The following RALGPS1 variants were observed in gnomAD, a reference collection of about 807,000 sequenced individuals.
RALGPS1 encodes the protein ras-specific guanine nucleotide-releasing factor RalGPS1.
Under a neutral mutation model 78.8 loss-of-function variants are expected in RALGPS1, and 19 were observed. The observed-to-expected ratio is 0.24, with a 90% CI of 0.17 to 0.35. The LOEUF (loss-of-function observed/expected upper bound fraction) is 0.35, where lower values mean the gene tolerates loss of function less well. RALGPS1 is among the 10% of genes least tolerant of loss of function. The probability of loss-of-function intolerance (pLI) is 1.00; values close to 1 mark genes in which losing one functional copy is unlikely to be tolerated. For missense variants in RALGPS1, 454 were observed against 688.3 expected (o/e 0.66, Z 3.81); for synonymous variants, 228 against 256.3 (o/e 0.89, Z 1.06).
rs1440966766 is a variant in RALGPS1 at position 127,211,178 on chromosome 9, C to T, written c.1248-953C>T. The stretch of plus-strand genomic sequence containing the variant: ...GCAGGGACATGAGATGAGCTGGAGC[C>T]ACATCCAGCATGCATCATCCAGCAG... On this transcript the variant is annotated intron_variant, in intron 14 of 18. Coordinates refer to ENST00000259351, the MANE Select transcript of RALGPS1 (RefSeq NM_014636.3). This position sits in a 1 kb window ranked among gnomAD's most constrained non-coding sequence, Gnocchi z 5.0. 6.6e-6 allele frequency among the ~76,000 whole-genome samples: 1 copy of T among 152,134 alleles called. No homozygotes were observed. The highest frequency in any genetic ancestry group is 1.5e-5 in the Non-Finnish European group (1 of 68,032).
At chr9:127,076,029 AT>A (rs1306114247) in intron 8 of RALGPS1, among the ~76,000 whole-genome samples, 1 of 152,246 alleles carries the variant, frequency 6.6e-6, no homozygotes, top group Non-Finnish European at 1.5e-5. Context: ...TGAGGGAAAA[AT>A]GTATTACATT....
intron 1 of RALGPS1, among the ~76,000 whole-genome samples, chr9:126,959,020 C>T (rs566904573): frequency 6.7e-6 from 1 of 150,082 alleles, no homozygotes; most frequent in South Asian, 2.1e-4. Context: ...TTTGTGTTTC[C>T]CTGATGGCAT....
intron 4 of RALGPS1, among the ~76,000 whole-genome samples, chr9:126,989,098 A>G (rs1052060029): frequency 1.8e-4 from 28 of 152,120 alleles, no homozygotes; most frequent in African/African-American, 6.8e-4. Flanking sequence ...CATCATCATC[A>G]TCATCATCAT....
intron 4 of RALGPS1, among the ~76,000 whole-genome samples, chr9:127,001,407 G>A (rs1404052753): frequency 6.6e-6 from 1 of 151,714 alleles, no homozygotes; most frequent in Admixed American, 6.6e-5. Flanking sequence ...ATTGGCTTAT[G>A]AGGTATAATT....
In RALGPS1 at chr9:127,093,435, G is replaced by T. The variant is rs538049645; in HGVS notation, c.610+24079G>T. On this transcript the variant is annotated intron_variant, in intron 8 of 18. Transcript: ENST00000259351. ...CTCACCCCTGGGCCCCCATACCAGCGTTTCTAAACTCTCACCCTGTCCTGT... is the reference window on the plus strand; with the variant it reads ...CTCACCCCTGGGCCCCCATACCAGCTTTTCTAAACTCTCACCCTGTCCTGT... Among the ~76,000 whole-genome samples the T allele has an allele frequency of 1.5e-3, 230 of 152,248 alleles. 1 individual carries two copies. Among genetic ancestry groups the T allele is most frequent in the Middle Eastern group, 3.4e-3 (1 of 294 alleles).
chr9:126,947,285 C>G (rs185666864), intron 1 of RALGPS1, among the ~76,000 whole-genome samples: 4 of 152,258 alleles, frequency 2.6e-5, no homozygotes, highest in Admixed American at 2.6e-4. Flanking sequence ...TCCTTTCAGC[C>G]TCCTGTGAAG....
chr9:126,969,889 G>C (rs938461561), intron 3 of RALGPS1, among the ~76,000 whole-genome samples: 1 of 152,188 alleles, frequency 6.6e-6, no homozygotes, highest in Non-Finnish European at 1.5e-5. Context: ...AACTTTGGCT[G>C]TCCCTGCTGG....
At chr9:127,039,833 GA>G (rs765999427) in intron 5 of RALGPS1, among the ~76,000 whole-genome samples, 3 of 152,072 alleles carry the variant, frequency 2.0e-5, no homozygotes, top group Non-Finnish European at 4.4e-5. Context: ...GGGAAAGCTT[GA>G]AAAAAGCTGC....
At chr9:127,172,837 G>T (rs770604625) in intron 10 of RALGPS1, among the ~76,000 whole-genome samples, 4 of 152,058 alleles carry the variant, frequency 2.6e-5, no homozygotes, top group Non-Finnish European at 5.9e-5. Flanking sequence ...TGCTCCTGGG[G>T]CTGCCTTCTC....
chr9:127,151,669 G>T (rs981305165), intron 8 of RALGPS1, among the ~76,000 whole-genome samples: 3 of 151,724 alleles, frequency 2.0e-5, no homozygotes, highest in Admixed American at 2.0e-4. Flanking sequence ...TTTTGTTTTC[G>T]TTTTTGTTTT....
intron 8 of RALGPS1, among the ~76,000 whole-genome samples, chr9:127,131,519 C>A (rs981359598): frequency 1.3e-5 from 2 of 152,206 alleles, no homozygotes; most frequent in African/African-American, 4.8e-5. Context: ...GAGAAGTTCT[C>A]TTTGTCCGTC....
intron 1 of RALGPS1, among the ~76,000 whole-genome samples, chr9:126,957,012 C>G: frequency 6.6e-6 from 1 of 152,246 alleles, no homozygotes; most frequent in East Asian, 1.9e-4. Flanking sequence ...CACTAACTCA[C>G]AGCAAGTCAC....
At chr9:126,975,509 G>A (rs2040522267) in intron 3 of RALGPS1, among the ~76,000 whole-genome samples, 1 of 152,214 alleles carries the variant, frequency 6.6e-6, no homozygotes, top group Non-Finnish European at 1.5e-5. Context: ...AACTTGAAGT[G>A]CAGGGGAGAT....
intron 8 of RALGPS1, chr9:127,079,972 G>A (rs1396729286): frequency 6.6e-6 from 1 of 152,198 alleles, no homozygotes; most frequent in Admixed American, 6.5e-5. Flanking sequence ...AAAATCAACT[G>A]TAAAACTCAA....
At chr9:127,054,544 T>A (rs1040690014) in intron 7 of RALGPS1, among the ~76,000 whole-genome samples, 2 of 152,156 alleles carry the variant, frequency 1.3e-5, no homozygotes, top group Admixed American at 6.5e-5. Context: ...GATGGTGTCC[T>A]CCAGGGGATG....
At chr9:126,984,790 T>C (rs1050905813) in intron 4 of RALGPS1, among the ~76,000 whole-genome samples, 5 of 152,224 alleles carry the variant, frequency 3.3e-5, no homozygotes, top group Non-Finnish European at 5.9e-5. Context: ...GGTTATGTTG[T>C]ATATTTTCTG....
intron 2 of RALGPS1, among the ~76,000 whole-genome samples, chr9:126,962,682 A>G (rs1453451530): frequency 6.6e-6 from 1 of 152,254 alleles, no homozygotes; most frequent in African/African-American, 2.4e-5. Context: ...ACATTCCGGA[A>G]TGAAGTCAGA....
chr9:127,063,536 A>G (rs1263223925), intron 7 of RALGPS1, among the ~76,000 whole-genome samples: 2 of 152,194 alleles, frequency 1.3e-5, no homozygotes, highest in Non-Finnish European at 2.9e-5. Context: ...TTTTATAAAA[A>G]TTAGCTCTTA....
At chr9:127,202,036 G>A (rs922858820) in intron 14 of RALGPS1, among the ~76,000 whole-genome samples, 18 of 152,284 alleles carry the variant, frequency 1.2e-4, no homozygotes, top group African/African-American at 4.3e-4. Flanking sequence ...ACAGCATTTC[G>A]CCCCACAGCT....
Sources: allele counts gnomAD v4.1 joint callset (sites outside exome capture counted in the v4.1 genomes callset), GRCh38; gene constraint gnomAD v4.1.1; non-coding constraint Gnocchi (gnomAD v3.1); transcripts MANE v1.5; gene names NCBI Gene and HGNC (gene_info 2026-07-23, HGNC 2026-07-21).